HMGB1: variants seen among roughly 807,000 people sequenced by gnomAD.
The protein encoded by HMGB1 is high mobility group protein B1.
For synonymous variants in HMGB1, 81 were observed against 84.0 expected (o/e 0.96, Z 0.19); for missense variants, 79 against 253.5 (o/e 0.31, Z 4.67).
intron 1 of HMGB1, among the ~76,000 whole-genome samples, chr13:30,498,551 C>T (rs866442013): frequency 6.6e-5 from 10 of 152,082 alleles, no homozygotes; most frequent in Middle Eastern, 3.4e-3. Flanking sequence ...CACCACCCCA[C>T]GTCTAGCTAT....
intron 1 of HMGB1, among the ~76,000 whole-genome samples, chr13:30,531,509 CGTGT>C (rs376387192): frequency 0.23 from 30,839 of 135,440 alleles, 3,514 homozygotes; most frequent in African/African-American, 0.32. Context: ...GTAACATATA[CGTGT>C]GTGTGTGTGT....
chr13:30,608,334 T>G (rs1950480221), intron 1 of HMGB1, among the ~76,000 whole-genome samples: 1 of 152,212 alleles, frequency 6.6e-6, no homozygotes, highest in Admixed American at 6.5e-5. Context: ...TAATACATAC[T>G]GATTTAACTG....
chr13:30,496,701 T>C (rs1424650305), intron 1 of HMGB1, among the ~76,000 whole-genome samples: 1 of 152,216 alleles, frequency 6.6e-6, no homozygotes, highest in East Asian at 1.9e-4. Context: ...GCAGTATCTT[T>C]AATGGGTGAG....
chr13:30,537,652 C>CATATTATATATATATATAT (rs1491255988), intron 1 of HMGB1, among the ~76,000 whole-genome samples: 1 of 68,004 alleles, frequency 1.5e-5, no homozygotes, highest in African/African-American at 3.7e-5. Flanking sequence ...CATTCTTGTT[C>CATATTATATATATATATAT]ATATATATAT....
intron 1 of HMGB1, among the ~76,000 whole-genome samples, chr13:30,507,415 C>T (rs1023222541): frequency 6.6e-6 from 1 of 152,186 alleles, no homozygotes; most frequent in African/African-American, 2.4e-5. Flanking sequence ...TTACTCCATC[C>T]ACCCCTCTCC....
intron 1 of HMGB1, among the ~76,000 whole-genome samples, chr13:30,503,260 C>T (rs996965452): frequency 1.3e-5 from 2 of 151,884 alleles, no homozygotes; most frequent in Non-Finnish European, 2.9e-5. Flanking sequence ...AGGAGAATGG[C>T]GTGAACCCGG....
At chr13:30,584,343 ATCT>A (rs1204646549) in intron 1 of HMGB1, among the ~76,000 whole-genome samples, 4 of 152,142 alleles carry the variant, frequency 2.6e-5, no homozygotes. Context: ...CCATTATATA[ATCT>A]TAGCTCAAAG....
At chr13:30,612,706 G>A (rs1950523626) in intron 1 of HMGB1, among the ~76,000 whole-genome samples, 1 of 152,310 alleles carries the variant, frequency 6.6e-6, no homozygotes, top group South Asian at 2.1e-4. Flanking sequence ...TCACCCTGAA[G>A]TGACAACTAT....
intron 1 of HMGB1, among the ~76,000 whole-genome samples, chr13:30,581,504 G>A (rs1870899056): frequency 6.6e-6 from 1 of 152,182 alleles, no homozygotes; most frequent in Non-Finnish European, 1.5e-5. Context: ...TGGGTGGTTG[G>A]GGCAGGGGTC....
chr13:30,464,010 AT>A, intron 1 of HMGB1: 1 of 734,242 alleles, frequency 1.4e-6, no homozygotes, highest in Non-Finnish European at 1.7e-6. Flanking sequence ...CACTTAAACG[AT>A]TTTAAAATCT....
intron 1 of HMGB1, among the ~76,000 whole-genome samples, chr13:30,579,299 A>C (rs17074757): frequency 0.18 from 27,602 of 152,100 alleles, 3,483 homozygotes; most frequent in African/African-American, 0.36. Context: ...ATTATGAAAA[A>C]GAGGATAGTA....
intron 1 of HMGB1, among the ~76,000 whole-genome samples, chr13:30,483,013 C>T (rs894621699): frequency 2.0e-5 from 3 of 151,826 alleles, no homozygotes; most frequent in Non-Finnish European, 2.9e-5. Flanking sequence ...AGGCTGGTCC[C>T]GAACTTCTGG....
At chr13:30,521,865 A>G (rs1888246059) in intron 1 of HMGB1, among the ~76,000 whole-genome samples, 1 of 152,200 alleles carries the variant, frequency 6.6e-6, no homozygotes, top group South Asian at 2.1e-4. Flanking sequence ...TTCTCTACAT[A>G]CTTGTCCAAC....
chr13:30,497,260 T>C (rs966682138), intron 1 of HMGB1, among the ~76,000 whole-genome samples: 16 of 152,162 alleles, frequency 1.1e-4, no homozygotes, highest in African/African-American at 3.6e-4. Context: ...CCACTGATTC[T>C]CTGTCACCCG....
At chr13:30,582,433 T>C (rs113262407) in intron 1 of HMGB1, among the ~76,000 whole-genome samples, 5 of 151,936 alleles carry the variant, frequency 3.3e-5, no homozygotes, top group African/African-American at 1.2e-4. Flanking sequence ...GGTCAGGAGA[T>C]TGAGACCATC....
chr13:30,606,669 A>C (rs1950461777), intron 1 of HMGB1, among the ~76,000 whole-genome samples: 1 of 152,256 alleles, frequency 6.6e-6, no homozygotes, highest in Admixed American at 6.5e-5. Flanking sequence ...CTATGTAATA[A>C]ACAGCTTACA....
chr13:30,612,968 G>A (rs551236157), intron 1 of HMGB1, among the ~76,000 whole-genome samples: 1 of 152,340 alleles, frequency 6.6e-6, no homozygotes, highest in East Asian at 1.9e-4. Context: ...CCAATTACGA[G>A]AATATACTGG....
chr13:30,581,046 C>T (rs1357557854), intron 1 of HMGB1, among the ~76,000 whole-genome samples: 1 of 151,992 alleles, frequency 6.6e-6, no homozygotes, highest in Admixed American at 6.6e-5. Context: ...ATCCTCTTGC[C>T]AAAGAGGTGG....
chr13:30,557,575 C>T lies in HMGB1; in HGVS notation c.-15+59096G>A, dbSNP rs561661690. Among the ~76,000 whole-genome samples, 16 of 152,298 alleles carry T rather than the reference C, an allele frequency of 1.1e-4. No homozygotes were observed. The South Asian group carries it at 3.1e-3, about 30-fold the overall frequency. ...TAAGACTCTTACACTTACAGATTCA[C>T]CTTGTAGATAAAAGGGCTTTGGAAG... On this transcript the variant is annotated intron_variant, in intron 1 of 4. Coordinates refer to the HMGB1 transcript ENST00000405805.
Sources: gnomAD v4.1 joint callset for allele counts (sites outside exome capture counted in the v4.1 genomes callset) on GRCh38, gnomAD v4.1.1 for gene constraint, MANE v1.5 for transcripts, NCBI Gene and HGNC (gene_info 2026-07-23, HGNC 2026-07-21) for gene names.